The following FGF12 variants were observed in gnomAD, a reference collection of about 807,000 sequenced individuals.
FGF12 encodes the protein fibroblast growth factor 12, also known as fibroblast growth factor 12B.
FGF12 carries 14 observed loss-of-function variants against 23.6 expected under a neutral mutation model. The ratio of observed to expected loss-of-function variants is 0.59; its 90% CI spans 0.39 to 0.93. The LOEUF (loss-of-function observed/expected upper bound fraction) is 0.93. Ranked by LOEUF, FGF12 falls within the 40% of genes least tolerant of loss-of-function variation. The pLI, the probability that FGF12 is intolerant of heterozygous loss-of-function variation, is 0.00. For synonymous variants in FGF12, 62 were observed against 77.3 expected, an observed-to-expected ratio of 0.80 and a Z score of 1.04; for missense variants, 175 against 217.8, an observed-to-expected ratio of 0.80 and a Z score of 1.24.
intron 4 of FGF12, among the ~76,000 whole-genome samples, chr3:192,305,047 A>G (rs182357505): frequency 3.6e-4 from 55 of 152,302 alleles, no homozygotes; most frequent in African/African-American, 1.2e-3. Context: ...AGCAGAAACA[A>G]GAGAGATTAA....
chr3:192,384,730 A>G (rs977160629), intron 2 of FGF12, among the ~76,000 whole-genome samples: 2 of 152,236 alleles, frequency 1.3e-5, no homozygotes, highest in East Asian at 3.8e-4. Context: ...TTCCTGAGCC[A>G]CCACAGGTTT....
At chr3:192,625,179 G>A (rs891457909) in intron 2 of FGF12, among the ~76,000 whole-genome samples, 7 of 152,052 alleles carry the variant, frequency 4.6e-5, no homozygotes, top group Non-Finnish European at 8.8e-5. Context: ...GGATATCTGA[G>A]GTAAATTTCT....
chr3:192,571,926 C>T (rs1712652384), intron 2 of FGF12, among the ~76,000 whole-genome samples: 1 of 148,470 alleles, frequency 6.7e-6, no homozygotes, highest in African/African-American at 2.5e-5. Flanking sequence ...ATATAGTGGT[C>T]CTTAGCACTA....
intron 4 of FGF12, among the ~76,000 whole-genome samples, chr3:192,303,341 CT>C (rs1715448927): frequency 6.6e-6 from 1 of 152,148 alleles, no homozygotes; most frequent in South Asian, 2.1e-4. Flanking sequence ...GGATACGTCC[CT>C]TTTCTAGCTA....
chr3:192,586,603 A>G (rs528977323), intron 2 of FGF12, among the ~76,000 whole-genome samples: 1 of 152,282 alleles, frequency 6.6e-6, no homozygotes, highest in East Asian at 1.9e-4. Flanking sequence ...TGCCTCTGAC[A>G]CAGTCTATGT....
chr3:192,276,501 A>T (rs1713797385), intron 4 of FGF12, among the ~76,000 whole-genome samples: 1 of 152,206 alleles, frequency 6.6e-6, no homozygotes, highest in South Asian at 2.1e-4. Context: ...AAGGTGCCTT[A>T]TGAGAAAATG....
chr3:192,284,140 C>T (rs1215057412), intron 4 of FGF12, among the ~76,000 whole-genome samples: 1 of 151,952 alleles, frequency 6.6e-6, no homozygotes, highest in African/African-American at 2.4e-5. Flanking sequence ...ACTTTGCTCC[C>T]CATTTGCACT....
At chr3:192,727,055 T>C (rs1005257192) in intron 2 of FGF12, 126 bp downstream of exon 2, 24 of 1,193,796 alleles carry the variant, frequency 2.0e-5, no homozygotes, top group Non-Finnish European at 2.7e-5. Context: ...GCAATGGACA[T>C]AGCATCTCCT....
At chr3:192,648,212 A>G (rs1301772870) in intron 2 of FGF12, among the ~76,000 whole-genome samples, 3 of 152,148 alleles carry the variant, frequency 2.0e-5, no homozygotes, top group African/African-American at 7.2e-5. Flanking sequence ...GTAGGATAAA[A>G]ATATACACAA....
intron 2 of FGF12, among the ~76,000 whole-genome samples, chr3:192,691,283 G>A (rs1717934441): frequency 6.6e-6 from 1 of 151,820 alleles, no homozygotes; most frequent in South Asian, 2.1e-4. Context: ...TTAAATGTGG[G>A]GTCACAAAAC....
chr3:192,561,571 C>T (rs1353245743), intron 2 of FGF12, among the ~76,000 whole-genome samples: 1 of 152,040 alleles, frequency 6.6e-6, no homozygotes, highest in African/African-American at 2.4e-5. Context: ...ACCGTGTTAG[C>T]CAGGATAGTC....
At chr3:192,251,309 G>GT (rs1711994619) in intron 4 of FGF12, among the ~76,000 whole-genome samples, 1 of 152,200 alleles carries the variant, frequency 6.6e-6, no homozygotes, top group Admixed American at 6.5e-5. Context: ...TAGAGAGTAA[G>GT]TTGTGCTCTT....
chr3:192,386,891 G>A (rs989291798), intron 2 of FGF12, among the ~76,000 whole-genome samples: 1 of 152,184 alleles, frequency 6.6e-6, no homozygotes, highest in Non-Finnish European at 1.5e-5. Context: ...CAATGTTTCA[G>A]GTACAGGGCT....
Position 192,408,754 on chromosome 3 carries a change from A to C in FGF12, c.14-48216T>G. On this transcript the variant is annotated intron_variant, in intron 2 of 5. Transcript: ENST00000445105. The surrounding 1 kb of genome is among the most constrained non-coding windows in gnomAD (Gnocchi z 7.3). ...AGCGCGCCCCCGGTAGAAAATACTAAAAAGTGAATAAAACGTTCCTTTAGA... is the reference window on the plus strand; with the variant it reads ...AGCGCGCCCCCGGTAGAAAATACTACAAAGTGAATAAAACGTTCCTTTAGA... 1 of 986,470 alleles carries C rather than the reference A, an allele frequency of 1.0e-6. No homozygotes were observed. The highest frequency in any genetic ancestry group is 1.2e-6 in the Non-Finnish European group (1 of 830,760). The allele number at this position is 986,470 out of a possible 1,614,324, so 61.1% of individuals were successfully genotyped here. A position where few individuals can be genotyped will look rare whatever the true frequency, so the allele number is the denominator to read the frequency against.
At chr3:192,473,844 C>A (rs1484841605) in intron 2 of FGF12, among the ~76,000 whole-genome samples, 3 of 152,172 alleles carry the variant, frequency 2.0e-5, no homozygotes, top group African/African-American at 7.2e-5. Flanking sequence ...ATGGCTGAAG[C>A]TTTTCTGTTC....
intron 2 of FGF12, among the ~76,000 whole-genome samples, chr3:192,432,931 C>T (rs939858491): frequency 6.6e-6 from 1 of 152,080 alleles, no homozygotes; most frequent in Admixed American, 6.6e-5. Context: ...TGAAGTGAGT[C>T]GGGGTGGTCT....
rs148470434 is a variant in FGF12, at chr3:192,381,640, A to T, written c.14-21102T>A. Among the ~76,000 whole-genome samples, 556 of 152,318 alleles carry T rather than the reference A, an allele frequency of 3.7e-3. 6 individuals carry two copies. Among genetic ancestry groups the T allele is most frequent in the African/African-American group, 0.013 (531 of 41,572 alleles). On this transcript the variant is annotated intron_variant, in intron 2 of 5. Coordinates refer to ENST00000445105, the MANE Select transcript of FGF12 (RefSeq NM_004113.6). ...AAAAATGGCTCCCTCAGGATAGAAC[A>T]TTGAAGATGAGTGTAAAGAAAAAGA...
intron 2 of FGF12, among the ~76,000 whole-genome samples, chr3:192,513,711 C>T (rs1187364765): frequency 6.6e-6 from 1 of 151,962 alleles, no homozygotes; most frequent in Non-Finnish European, 1.5e-5. Flanking sequence ...ATTCATGGAC[C>T]AAAAACGTAT....
intron 2 of FGF12, among the ~76,000 whole-genome samples, chr3:192,567,741 CTT>C (rs965576750): frequency 1.2e-5 from 1 of 81,182 alleles, no homozygotes; most frequent in South Asian, 4.5e-4. Context: ...GTGTCTCTTT[CTT>C]TCTTTCTTTC....
Sources: allele counts gnomAD v4.1 joint callset (sites outside exome capture counted in the v4.1 genomes callset), GRCh38; gene constraint gnomAD v4.1.1; non-coding constraint Gnocchi (gnomAD v3.1); transcripts MANE v1.5; gene names NCBI Gene and HGNC (gene_info 2026-07-23, HGNC 2026-07-21).